STOX2: variants seen among roughly 807,000 people sequenced by gnomAD.
The protein encoded by STOX2 is storkhead box 2, also known as storkhead-box protein 2.
STOX2 carries 28 observed loss-of-function variants against 60.9 expected under a neutral mutation model. That is an observed-to-expected ratio of 0.46 (90% CI 0.34 to 0.63). The LOEUF is 0.63. STOX2 is among the 30% of genes least tolerant of loss of function. The pLI is 0.01. For synonymous variants in STOX2, 472 were observed against 463.9 expected (o/e 1.02, Z -0.22); for missense variants, 1,024 against 1,187.7 (o/e 0.86, Z 2.03).
At chr4:183,948,540 C>CTTTTTTTTTTT (rs10687778) in intron 1 of STOX2, among the ~76,000 whole-genome samples, 23 of 78,206 alleles carry the variant, frequency 2.9e-4, no homozygotes, top group South Asian at 6.2e-4. Context: ...ATGCCTTATC[C>CTTTTTTTTTTT]TTTTTTTTTT....
At chr4:183,873,463 A>AG (rs1740743125) in intron 1 of STOX2, among the ~76,000 whole-genome samples, 1 of 150,630 alleles carries the variant, frequency 6.6e-6, no homozygotes, top group Non-Finnish European at 1.5e-5. Context: ...AAAAAAAAAA[A>AG]AGGGAGGATT....
At position 183,825,248 on chromosome 4, in the gene STOX2, G is replaced by A. The variant is rs1396157222; in HGVS notation, c.364+27193G>A. Among the ~76,000 whole-genome samples the A allele has an allele frequency of 6.6e-6, 1 of 152,162 alleles. No individual in the cohort carries two copies. Among genetic ancestry groups the A allele is most frequent in the Non-Finnish European group, 1.5e-5 (1 of 68,030 alleles). On this transcript the variant is annotated intron_variant, in intron 1 of 2. Coordinates refer to the STOX2 transcript ENST00000513034. This position sits in a 1 kb window ranked among gnomAD's most constrained non-coding sequence, Gnocchi z 4.1. ...GCTTATTTTGCTTTGAGGATCTTGA[G>A]CTAATTATGCATGAGGAGGAGAGGC...
chr4:183,870,230 A>G (rs571924321), intron 1 of STOX2, among the ~76,000 whole-genome samples: 2 of 152,330 alleles, frequency 1.3e-5, no homozygotes, highest in African/African-American at 4.8e-5. Flanking sequence ...GGCTTTGGGA[A>G]CTTGCGCGAC....
chr4:183,942,385 C>T (rs368438180), intron 1 of STOX2, among the ~76,000 whole-genome samples: 1 of 98,398 alleles, frequency 1.0e-5, no homozygotes, highest in Non-Finnish European at 2.1e-5. Context: ...AAAACAAAAA[C>T]AAAACTTGGA....
intron 1 of STOX2, among the ~76,000 whole-genome samples, chr4:183,893,491 T>C (rs1027121251): frequency 6.6e-6 from 1 of 152,222 alleles, no homozygotes; most frequent in African/African-American, 2.4e-5. Context: ...CAAGTGATGC[T>C]GGACTTCATG....
chr4:183,934,373 C>T (rs1472212779), intron 1 of STOX2, among the ~76,000 whole-genome samples: 1 of 152,168 alleles, frequency 6.6e-6, no homozygotes, highest in East Asian at 1.9e-4. Flanking sequence ...ATTTCTGTCT[C>T]TCTATCCTGA....
At position 183,973,990 on chromosome 4, in the gene STOX2, C is replaced by CA. The variant is rs1247615190; in HGVS notation, c.167-27329dup. 1.1e-4 allele frequency among the ~76,000 whole-genome samples: 16 copies of CA among 152,110 alleles called. No individual in the cohort carries two copies. In the East Asian group the frequency reaches 2.9e-3, roughly 28 times the overall value. ...GCCTGGTGATAGAGCAAAACTGTGT[C>CA]AAAAAATATATACACGTATAATAAT... On this transcript the variant is annotated intron_variant, in intron 1 of 3. Transcript: ENST00000308497.
intron 1 of STOX2, among the ~76,000 whole-genome samples, chr4:183,831,467 T>G (rs1311372177): frequency 6.6e-6 from 1 of 151,818 alleles, no homozygotes; most frequent in Non-Finnish European, 1.5e-5. Flanking sequence ...TCATGAACAT[T>G]AGAAAACCCT....
chr4:183,869,849 C>T (rs904684582), intron 1 of STOX2, among the ~76,000 whole-genome samples: 2 of 152,048 alleles, frequency 1.3e-5, no homozygotes, highest in Non-Finnish European at 2.9e-5. Flanking sequence ...TCCCAGTCAT[C>T]AGTGGAATCC....
intron 1 of STOX2, among the ~76,000 whole-genome samples, chr4:183,940,366 A>T (rs748484320): frequency 3.7e-4 from 57 of 152,384 alleles, no homozygotes; most frequent in Non-Finnish European, 6.8e-4. Flanking sequence ...GCAGGTGTTT[A>T]TGTCCTAGCA....
chr4:183,996,522 TA>T (rs1560929268), intron 1 of STOX2, among the ~76,000 whole-genome samples: 1 of 152,206 alleles, frequency 6.6e-6, no homozygotes, highest in Non-Finnish European at 1.5e-5. Context: ...TTTGAATAAA[TA>T]AATGTGGTCC....
chr4:183,840,913 G>A (rs1739843279), intron 1 of STOX2, among the ~76,000 whole-genome samples: 1 of 152,206 alleles, frequency 6.6e-6, no homozygotes, highest in Non-Finnish European at 1.5e-5. Flanking sequence ...TGTTGCCCAG[G>A]CTGGAGTGCT....
At chr4:183,907,329 G>A (rs1280232944) in intron 1 of STOX2, among the ~76,000 whole-genome samples, 2 of 152,198 alleles carry the variant, frequency 1.3e-5, no homozygotes, top group African/African-American at 4.8e-5. Flanking sequence ...CCGGTTATCT[G>A]AGTGGGTATT....
chr4:183,870,083 T>G (rs1281608413), intron 1 of STOX2, among the ~76,000 whole-genome samples: 1 of 152,206 alleles, frequency 6.6e-6, no homozygotes, highest in African/African-American at 2.4e-5. Flanking sequence ...AGTGAATACA[T>G]TTCAGTACTT....
chr4:183,938,962 A>G (rs1473076558), intron 1 of STOX2, among the ~76,000 whole-genome samples: 1 of 152,262 alleles, frequency 6.6e-6, no homozygotes, highest in African/African-American at 2.4e-5. Flanking sequence ...ATTTTATTAA[A>G]TGAATGATTT....
rs1733579861 is a variant in STOX2 at position 184,001,267 on chromosome 4, T to C, written c.167-58T>C. 2 of 1,577,732 alleles carry C rather than the reference T, an allele frequency of 1.3e-6. No individual in the cohort carries two copies. Among genetic ancestry groups the C allele is most frequent in the South Asian group, 2.3e-5 (2 of 88,518 alleles). On this transcript the variant is annotated intron_variant, in intron 1 of 3. Transcript: ENST00000308497. The surrounding 1 kb of genome is among the most constrained non-coding windows in gnomAD (Gnocchi z 4.2). ...CCAGATGGACGCGTGAAGGCGTGTGTCTGACAGATGACCGGGTCTTTTAAT... is the reference window on the plus strand; with the variant it reads ...CCAGATGGACGCGTGAAGGCGTGTGCCTGACAGATGACCGGGTCTTTTAAT...
At chr4:183,873,566 G>A (rs781037795) in intron 1 of STOX2, among the ~76,000 whole-genome samples, 15 of 152,184 alleles carry the variant, frequency 9.9e-5, no homozygotes, top group East Asian at 1.9e-4. Flanking sequence ...AGTAACACAC[G>A]CAGCATGCAA....
At chr4:183,976,231 T>C (rs1426937307) in intron 1 of STOX2, among the ~76,000 whole-genome samples, 1 of 152,066 alleles carries the variant, frequency 6.6e-6, no homozygotes, top group African/African-American at 2.4e-5. Flanking sequence ...AGAATTGTTT[T>C]AACCCAGGAG....
At chr4:183,839,300 A>T (rs1739791057) in intron 1 of STOX2, among the ~76,000 whole-genome samples, 1 of 152,200 alleles carries the variant, frequency 6.6e-6, no homozygotes, top group Non-Finnish European at 1.5e-5. Context: ...CTAGACATCT[A>T]GGTGTCAGAT....
Sources: allele counts gnomAD v4.1 joint callset (sites outside exome capture counted in the v4.1 genomes callset), GRCh38; gene constraint gnomAD v4.1.1; non-coding constraint Gnocchi (gnomAD v3.1); transcripts MANE v1.5; gene names NCBI Gene and HGNC (gene_info 2026-07-23, HGNC 2026-07-21).